The following AFF3 variants were observed in gnomAD, a reference collection of about 807,000 sequenced individuals.
AFF3 encodes the protein ALF transcription elongation factor 3.
A neutral mutation model predicts 129.7 loss-of-function variants in AFF3; 32 were observed. The observed-to-expected ratio is 0.25, with a 90% CI of 0.19 to 0.33. The LOEUF (loss-of-function observed/expected upper bound fraction) is 0.33. Among genes scored for constraint, AFF3 ranks in the 10% least tolerant of loss-of-function variants. The pLI, the probability that AFF3 is intolerant of heterozygous loss-of-function variation, is 1.00. For synonymous variants in AFF3, 644 were observed against 635.4 expected (o/e 1.01, Z -0.20); for missense variants, 1,373 against 1,592.0 (o/e 0.86, Z 2.34).
At chr2:99,790,333 A>T (rs7566083) in intron 8 of AFF3, among the ~76,000 whole-genome samples, 115,480 of 152,176 alleles carry the variant, frequency 0.76, 45,203 homozygotes, top group South Asian at 0.91. Flanking sequence ...ATTTATTAAT[A>T]AAACTACCAC....
At chr2:100,003,458 A>T (rs1363888423) in intron 7 of AFF3, among the ~76,000 whole-genome samples, 1 of 152,150 alleles carries the variant, frequency 6.6e-6, no homozygotes. Flanking sequence ...TCCAAGGGGC[A>T]CTCCCAGGGA....
chr2:100,113,625 G>A (rs192966344), intron 2 of AFF3, among the ~76,000 whole-genome samples: 1 of 152,322 alleles, frequency 6.6e-6, no homozygotes, highest in East Asian at 1.9e-4. Flanking sequence ...TACCTGCTAT[G>A]ACAGAAGCAT....
intron 8 of AFF3, among the ~76,000 whole-genome samples, chr2:99,780,049 C>A (rs1269806987): frequency 2.0e-5 from 3 of 152,354 alleles, no homozygotes; most frequent in Admixed American, 2.0e-4. Flanking sequence ...GTCTAATGAG[C>A]ATGTGTTCAT....
intron 4 of AFF3, among the ~76,000 whole-genome samples, chr2:100,016,845 G>A (rs931496071): frequency 6.6e-6 from 1 of 151,486 alleles, no homozygotes; most frequent in Non-Finnish European, 1.5e-5. Context: ...GGTAATGGTG[G>A]TGGTGATGAA....
chr2:99,719,132 T>C (rs1678659631), intron 11 of AFF3, among the ~76,000 whole-genome samples: 1 of 151,408 alleles, frequency 6.6e-6, no homozygotes, highest in Non-Finnish European at 1.5e-5. Flanking sequence ...GGGAGTGTTT[T>C]TTTTTTCTTT....
intron 7 of AFF3, among the ~76,000 whole-genome samples, chr2:99,995,436 G>A (rs916035828): frequency 5.9e-5 from 9 of 151,480 alleles, no homozygotes; most frequent in Non-Finnish European, 1.0e-4. Context: ...GCAGTGGTGC[G>A]ATCTCAGCTC....
intron 7 of AFF3, among the ~76,000 whole-genome samples, chr2:99,915,824 T>G (rs1202814917): frequency 2.6e-5 from 4 of 152,224 alleles, no homozygotes; most frequent in Non-Finnish European, 4.4e-5. Flanking sequence ...CTTTTTCAAA[T>G]TTTTAATTAT....
intron 13 of AFF3, among the ~76,000 whole-genome samples, chr2:99,626,467 CCCTCCCTCCCTCTCCTTCTCTTCCCCTT>C (rs1682584149): frequency 1.8e-5 from 1 of 57,036 alleles, no homozygotes. Flanking sequence ...CTTCCTTCCT[CCCTCCCTCCCTCTCCTTCTCTTCCCCTT>C]CCTTCCCTTC....
At chr2:99,559,705 C>T (rs1464970520) in intron 21 of AFF3, among the ~76,000 whole-genome samples, 1 of 152,244 alleles carries the variant, frequency 6.6e-6, no homozygotes, top group Non-Finnish European at 1.5e-5. Context: ...ATGCTGACAT[C>T]CAGAATACCA....
At chr2:99,764,175 G>A (rs1376035838) in intron 8 of AFF3, among the ~76,000 whole-genome samples, 2 of 152,120 alleles carry the variant, frequency 1.3e-5, no homozygotes, top group Non-Finnish European at 2.9e-5. Context: ...AAAAGCAGAG[G>A]CCACAGGGCA....
chr2:100,125,120 T>C (rs1423519696), intron 2 of AFF3, among the ~76,000 whole-genome samples: 1 of 152,104 alleles, frequency 6.6e-6, no homozygotes, highest in Non-Finnish European at 1.5e-5. Context: ...CTTTATCTTT[T>C]AAAGTGGGAA....
At chr2:100,001,444 T>A (rs1681398951) in intron 7 of AFF3, among the ~76,000 whole-genome samples, 1 of 152,260 alleles carries the variant, frequency 6.6e-6, no homozygotes. Context: ...TTTTGGTTTT[T>A]TTGAGACGGA....
At chr2:99,619,657 C>T (rs1156686757) in intron 13 of AFF3, among the ~76,000 whole-genome samples, 1 of 152,162 alleles carries the variant, frequency 6.6e-6, no homozygotes, top group African/African-American at 2.4e-5. Context: ...GGCTCAGGGG[C>T]CTTACCAAGG....
At chr2:100,038,429 T>G (rs956014079) in intron 4 of AFF3, among the ~76,000 whole-genome samples, 1 of 151,362 alleles carries the variant, frequency 6.6e-6, no homozygotes, top group Non-Finnish European at 1.5e-5. Context: ...GATCAAAAAG[T>G]GTTTTACAGA....
At chr2:99,694,422 T>C (rs1372452667) in intron 11 of AFF3, among the ~76,000 whole-genome samples, 1 of 151,958 alleles carries the variant, frequency 6.6e-6, no homozygotes, top group East Asian at 1.9e-4. Context: ...CTGGGTGCCC[T>C]AGACATGAGT....
intron 11 of AFF3, among the ~76,000 whole-genome samples, chr2:99,685,678 A>C (rs1674986439): frequency 6.6e-6 from 1 of 152,220 alleles, no homozygotes; most frequent in Non-Finnish European, 1.5e-5. Flanking sequence ...ACGAATCTTA[A>C]GTGCAAGAAA....
At chr2:99,927,709 C>T (rs951125042) in intron 7 of AFF3, among the ~76,000 whole-genome samples, 1 of 152,068 alleles carries the variant, frequency 6.6e-6, no homozygotes. Flanking sequence ...ACAAACTTGC[C>T]CATGTACCCC....
At chr2:100,005,548 A>G (rs540487301) in intron 7 of AFF3, among the ~76,000 whole-genome samples, 2 of 152,326 alleles carry the variant, frequency 1.3e-5, no homozygotes, top group South Asian at 2.1e-4. Flanking sequence ...AAAAACGTAA[A>G]TGCCTATAGA....
chr2:99,844,959 T>TAA (rs370587161), intron 7 of AFF3, among the ~76,000 whole-genome samples: 7 of 142,278 alleles, frequency 4.9e-5, no homozygotes, highest in African/African-American at 1.5e-4. Context: ...ACCAATACAC[T>TAA]AAAAAAAAAA....
Sources: gnomAD v4.1 joint callset for allele counts (sites outside exome capture counted in the v4.1 genomes callset) on GRCh38, gnomAD v4.1.1 for gene constraint, MANE v1.5 for transcripts, NCBI Gene and HGNC (gene_info 2026-07-23, HGNC 2026-07-21) for gene names.